APP: variants seen among roughly 807,000 people sequenced by gnomAD.
The protein encoded by APP is amyloid beta precursor protein.
Under a neutral mutation model 101.4 loss-of-function variants are expected in APP, and 31 were observed. The observed-to-expected ratio is 0.31, with a 90% CI of 0.23 to 0.41. The LOEUF (loss-of-function observed/expected upper bound fraction) is 0.41. Ranked by LOEUF, APP falls within the 10% of genes least tolerant of loss-of-function variation. The pLI is 1.00. For missense variants in APP, 839 were observed against 1,003.7 expected (o/e 0.84, Z 2.22); for synonymous variants, 366 against 364.4 (o/e 1.00, Z -0.05).
intron 3 of APP, among the ~76,000 whole-genome samples, chr21:26,054,320 C>CCAAT (rs1367069657): frequency 1.3e-5 from 2 of 152,142 alleles, no homozygotes; most frequent in Non-Finnish European, 2.9e-5. Context: ...GTCTTGCTTG[C>CCAAT]CATTATACCC....
chr21:25,964,892 G>A (rs561316060), intron 11 of APP, among the ~76,000 whole-genome samples: 16 of 152,294 alleles, frequency 1.1e-4, no homozygotes, highest in African/African-American at 3.1e-4. Context: ...GAGCCACCAC[G>A]CCTGGCTGAC....
chr21:25,970,680 G>A (rs2041998474), intron 11 of APP, among the ~76,000 whole-genome samples: 1 of 152,196 alleles, frequency 6.6e-6, no homozygotes, highest in Non-Finnish European at 1.5e-5. Flanking sequence ...GAGGAAGCTC[G>A]TTCTAGTGAG....
chr21:25,968,683 C>G (rs976918294), intron 11 of APP, among the ~76,000 whole-genome samples: 1 of 152,090 alleles, frequency 6.6e-6, no homozygotes, highest in African/African-American at 2.4e-5. Context: ...CATAACACTT[C>G]CACGTTTAGG....
chr21:25,897,261 T>C (rs148419743), intron 16 of APP, among the ~76,000 whole-genome samples: 165 of 152,208 alleles, frequency 1.1e-3, no homozygotes, highest in African/African-American at 2.7e-3. Flanking sequence ...TACAGGTGTT[T>C]GCCACCACAC....
intron 17 of APP, among the ~76,000 whole-genome samples, chr21:25,883,206 C>T (rs2037103030): frequency 6.6e-6 from 1 of 151,956 alleles, no homozygotes; most frequent in South Asian, 2.1e-4. Context: ...AGTTTGAGAC[C>T]AGCCTGGCCA....
At chr21:25,925,584 C>T (rs1206275103) in intron 13 of APP, among the ~76,000 whole-genome samples, 3 of 152,162 alleles carry the variant, frequency 2.0e-5, no homozygotes, top group East Asian at 1.9e-4. Context: ...ACCACAGCCA[C>T]GAGCTGTACC....
chr21:26,086,961 G>A (rs1360523726), intron 3 of APP, among the ~76,000 whole-genome samples: 1 of 152,180 alleles, frequency 6.6e-6, no homozygotes, highest in Non-Finnish European at 1.5e-5. Context: ...CTTGGTAGTT[G>A]TATAGCCTGT....
chr21:25,909,194 C>A (rs1189852839), intron 14 of APP, among the ~76,000 whole-genome samples: 1 of 142,792 alleles, frequency 7.0e-6, no homozygotes, highest in Non-Finnish European at 1.5e-5. Context: ...ACCTGGGAGG[C>A]AGAGTTTGCA....
intron 1 of APP, among the ~76,000 whole-genome samples, chr21:26,129,000 A>C (rs759903807): frequency 6.6e-6 from 1 of 152,254 alleles, no homozygotes; most frequent in South Asian, 2.1e-4. Context: ...ATAACACATC[A>C]GATTTGGCTC....
chr21:25,883,178 G>GC (rs1370537860), intron 17 of APP, among the ~76,000 whole-genome samples: 1 of 152,178 alleles, frequency 6.6e-6, no homozygotes, highest in Non-Finnish European at 1.5e-5. Flanking sequence ...TGAGGTGGGT[G>GC]CGTCACTTGA....
chr21:26,035,412 C>A (rs1015161234), intron 5 of APP, among the ~76,000 whole-genome samples: 1 of 152,058 alleles, frequency 6.6e-6, no homozygotes, highest in African/African-American at 2.4e-5. Flanking sequence ...TTGTGTGACA[C>A]TGAGCAGGGG....
intron 1 of APP, among the ~76,000 whole-genome samples, chr21:26,129,899 T>C (rs1276076463): frequency 6.6e-6 from 1 of 152,200 alleles, no homozygotes; most frequent in African/African-American, 2.4e-5. Flanking sequence ...TTCCTTCCTA[T>C]AGAGGGAAGG....
chr21:26,060,624 GGTTT>G (rs1487679159), intron 3 of APP, among the ~76,000 whole-genome samples: 1 of 152,170 alleles, frequency 6.6e-6, no homozygotes, highest in East Asian at 1.9e-4. Context: ...AGAAAGGGGT[GGTTT>G]GTTTGTTTTT....
intron 3 of APP, among the ~76,000 whole-genome samples, chr21:26,057,636 G>A (rs1455490865): frequency 2.6e-5 from 4 of 152,122 alleles, no homozygotes; most frequent in African/African-American, 9.7e-5. Flanking sequence ...CTCTTTGGTG[G>A]TCTTTGGGAG....
At chr21:25,944,561 C>T (rs2040723577) in intron 13 of APP, among the ~76,000 whole-genome samples, 1 of 152,218 alleles carries the variant, frequency 6.6e-6, no homozygotes, top group Admixed American at 6.5e-5. Context: ...CAAACTCCGT[C>T]TCACATGAAA....
chr21:26,054,036 A>G (rs2045940212), intron 3 of APP, among the ~76,000 whole-genome samples: 1 of 152,212 alleles, frequency 6.6e-6, no homozygotes, highest in Non-Finnish European at 1.5e-5. Flanking sequence ...ATGGATAATT[A>G]CCACATTATA....
At chr21:26,050,768 T>C (rs1303086602) in intron 5 of APP, among the ~76,000 whole-genome samples, 2 of 152,198 alleles carry the variant, frequency 1.3e-5, no homozygotes, top group East Asian at 1.9e-4. Context: ...GGGATTTTGA[T>C]CCCAAGTTTA....
intron 6 of APP, among the ~76,000 whole-genome samples, chr21:26,017,878 T>C (rs1160841015): frequency 6.6e-6 from 1 of 152,196 alleles, no homozygotes; most frequent in Non-Finnish European, 1.5e-5. Flanking sequence ...TATCCAAGTA[T>C]TTTTTTAACA....
chr21:26,148,822 A>T (rs1323547541), intron 1 of APP, among the ~76,000 whole-genome samples: 2 of 152,188 alleles, frequency 1.3e-5, no homozygotes, highest in Non-Finnish European at 2.9e-5. Context: ...AATTTAATTC[A>T]ATTTTTCTCC....
Sources: allele counts gnomAD v4.1 joint callset (sites outside exome capture counted in the v4.1 genomes callset), GRCh38; gene constraint gnomAD v4.1.1; transcripts MANE v1.5; gene names NCBI Gene and HGNC (gene_info 2026-07-23, HGNC 2026-07-21).